Variants in KIAA1549L observed in about 807,000 individuals in gnomAD.
KIAA1549L encodes UPF0606 protein KIAA1549L.
A neutral mutation model predicts 160.7 loss-of-function variants in KIAA1549L; 88 were observed. The ratio of observed to expected loss-of-function variants is 0.55; its 90% CI spans 0.46 to 0.65. KIAA1549L has a LOEUF of 0.65. KIAA1549L is among the 30% of genes least tolerant of loss of function. KIAA1549L has a pLI of 0.00. For synonymous variants in KIAA1549L, 950 were observed against 976.7 expected (o/e 0.97, Z 0.51); for missense variants, 2,258 against 2,437.5 (o/e 0.93, Z 1.55).
At chr11:33,649,525 A>AATG (rs1851822380) in intron 17 of KIAA1549L, among the ~76,000 whole-genome samples, 2 of 127,112 alleles carry the variant, frequency 1.6e-5, no homozygotes, top group South Asian at 2.7e-4. Context: ...AAAAAAAAAA[A>AATG]AAGAAGCAGC....
At chr11:33,412,485 C>T (rs1199817368) in intron 1 of KIAA1549L, among the ~76,000 whole-genome samples, 1 of 152,196 alleles carries the variant, frequency 6.6e-6, no homozygotes. Flanking sequence ...ACTGTGTGGG[C>T]TGGAGTATGC....
intron 16 of KIAA1549L, among the ~76,000 whole-genome samples, chr11:33,620,497 CTAA>C (rs1850929542): frequency 6.6e-6 from 1 of 152,132 alleles, no homozygotes; most frequent in Admixed American, 6.5e-5. Context: ...TGAAAAGTGT[CTAA>C]TATTTACCAA....
intron 1 of KIAA1549L, among the ~76,000 whole-genome samples, chr11:33,407,081 A>T (rs1198072261): frequency 0.012 from 1,179 of 99,674 alleles, no homozygotes; most frequent in Middle Eastern, 0.019. Flanking sequence ...TTCTTTTTTC[A>T]TTTTTTTTTT....
At chr11:33,661,058 C>T in intron 20 of KIAA1549L, 44 bp downstream of exon 20, 1 of 1,543,302 alleles carries the variant, frequency 6.5e-7, no homozygotes, top group Non-Finnish European at 8.8e-7. Context: ...ACCTGCTTAA[C>T]ACATGCCAAA....
At chr11:33,405,839 C>CAAAAAAAAAAAAAAAAAA (rs35479859) in intron 1 of KIAA1549L, among the ~76,000 whole-genome samples, 1 of 68,878 alleles carries the variant, frequency 1.5e-5, no homozygotes, top group African/African-American at 5.3e-5. Context: ...CAGTCTGTCT[C>CAAAAAAAAAAAAAAAAAA]AAAAAAAAAA....
chr11:33,613,605 T>C (rs946299501), intron 15 of KIAA1549L, among the ~76,000 whole-genome samples: 3 of 152,118 alleles, frequency 2.0e-5, no homozygotes, highest in East Asian at 1.9e-4. Context: ...GAGAACTCAT[T>C]GTCACAGGGA....
rs539348851 is a variant in KIAA1549L, at chr11:33,467,993, T to C, written c.239-73809T>C. Among the ~76,000 whole-genome samples the C allele has an allele frequency of 2.6e-5, 4 of 152,250 alleles. 1 individual carries two copies. The South Asian group carries it at 8.3e-4, about 32-fold the overall frequency. ...CACCCTGTCATTAATTCCCTGCATG[T>C]ATCTACAGCCTTTTCCAGACAGCCA... On this transcript the variant is annotated intron_variant, in intron 1 of 20. Transcript: ENST00000658780.
At chr11:33,509,045 C>G (rs1218462024) in intron 1 of KIAA1549L, among the ~76,000 whole-genome samples, 1 of 152,130 alleles carries the variant, frequency 6.6e-6, no homozygotes, top group Admixed American at 6.5e-5. Flanking sequence ...GTTTTGCCAC[C>G]TTTTCTGTGA....
At chr11:33,511,076 G>A (rs1853217589) in intron 1 of KIAA1549L, among the ~76,000 whole-genome samples, 3 of 152,236 alleles carry the variant, frequency 2.0e-5, no homozygotes, top group Admixed American at 1.3e-4. Flanking sequence ...CGTCAGTACA[G>A]CTAGAATGTG....
At chr11:33,506,226 CT>C (rs1253314479) in intron 1 of KIAA1549L, among the ~76,000 whole-genome samples, 1 of 152,172 alleles carries the variant, frequency 6.6e-6, no homozygotes, top group Admixed American at 6.5e-5. Context: ...TGGCTCTGCC[CT>C]TTATCAGTTG....
chr11:33,408,054 A>G (rs1484041987), intron 1 of KIAA1549L, among the ~76,000 whole-genome samples: 1 of 152,136 alleles, frequency 6.6e-6, no homozygotes, highest in African/African-American at 2.4e-5. Flanking sequence ...AAGGGGTGTT[A>G]AGATAATAAA....
intron 1 of KIAA1549L, among the ~76,000 whole-genome samples, chr11:33,435,600 TA>T (rs1347737954): frequency 6.6e-6 from 1 of 151,160 alleles, no homozygotes; most frequent in Non-Finnish European, 1.5e-5. Flanking sequence ...AAAAAGATCA[TA>T]GGACTGATAT....
chr11:33,424,081 C>G (rs10836062), intron 1 of KIAA1549L, among the ~76,000 whole-genome samples: 34,141 of 151,806 alleles, frequency 0.22, 4,489 homozygotes, highest in Middle Eastern at 0.32. Context: ...AACATGGCTT[C>G]ACCAGTACAA....
chr11:33,388,936 A>G (rs1259661880), intron 1 of KIAA1549L, among the ~76,000 whole-genome samples: 1 of 152,190 alleles, frequency 6.6e-6, no homozygotes, highest in Non-Finnish European at 1.5e-5. Context: ...AGCTTCCTCA[A>G]CATAGGCCAA....
chr11:33,378,570 A>G (rs919095803), intron 1 of KIAA1549L, among the ~76,000 whole-genome samples: 6 of 152,152 alleles, frequency 3.9e-5, no homozygotes, highest in Non-Finnish European at 8.8e-5. Flanking sequence ...GATGGTAAAA[A>G]TAATTAAAAG....
intron 1 of KIAA1549L, among the ~76,000 whole-genome samples, chr11:33,523,888 A>G (rs1853553642): frequency 6.6e-6 from 1 of 152,124 alleles, no homozygotes; most frequent in Admixed American, 6.5e-5. Flanking sequence ...GCCTCCTTCT[A>G]CATTTTTGCT....
intron 1 of KIAA1549L, among the ~76,000 whole-genome samples, chr11:33,435,423 T>G (rs1256685595): frequency 6.6e-6 from 1 of 152,112 alleles, no homozygotes; most frequent in Non-Finnish European, 1.5e-5. Flanking sequence ...CAGTTCTTTT[T>G]TGGTAGTTTT....
At chr11:33,553,497 C>T (rs1234703251) in intron 6 of KIAA1549L, among the ~76,000 whole-genome samples, 3 of 152,128 alleles carry the variant, frequency 2.0e-5, no homozygotes, top group Admixed American at 1.3e-4. Flanking sequence ...ATCAGCAAAG[C>T]CAATATGATG....
At position 33,673,680 on chromosome 11, in the gene KIAA1549L, A is replaced by T. The variant is rs2133481170; in HGVS notation, c.*5526A>T. 1 of 152,354 alleles carries T rather than the reference A, an allele frequency of 6.6e-6. No homozygotes were observed. The highest frequency in any genetic ancestry group is 2.1e-4 in the South Asian group (1 of 4,828). 9.4% of individuals were successfully genotyped at this position (152,354 alleles called of 1,614,324 possible). A position where few individuals can be genotyped will look rare whatever the true frequency, so the allele number is the denominator to read the frequency against. On this transcript the variant is annotated 3_prime_UTR_variant, in exon 21 of 21. Transcript: ENST00000658780. ...ATTATTAGTTTTGTAATTCGGTTTT[A>T]TCCAGGAAAATATTTTAGCTCCTCC...
Sources: allele counts gnomAD v4.1 joint callset (sites outside exome capture counted in the v4.1 genomes callset), GRCh38; gene constraint gnomAD v4.1.1; transcripts MANE v1.5; gene names NCBI Gene and HGNC (gene_info 2026-07-23, HGNC 2026-07-21).